NFIC: variants seen among roughly 807,000 people sequenced by gnomAD.
NFIC encodes nuclear factor 1 C-type.
NFIC carries 12 observed loss-of-function variants against 54.4 expected under a neutral mutation model. The ratio of observed to expected loss-of-function variants is 0.22; its 90% CI spans 0.14 to 0.36. NFIC has a LOEUF of 0.36. NFIC is among the 10% of genes least tolerant of loss of function. The pLI, the probability that NFIC is intolerant of heterozygous loss-of-function variation, is 1.00. For synonymous variants in NFIC, 322 were observed against 319.2 expected, an observed-to-expected ratio of 1.01 and a Z score of -0.09; for missense variants, 575 against 718.2, an observed-to-expected ratio of 0.80 and a Z score of 2.28.
Position 3,463,614 on chromosome 19 carries a change from G to GGCCCCCCCCC in NFIC, c.*845_*846insGCCCCCCCCC. The stretch of plus-strand genomic sequence containing the variant: ...GGGAGGAGAAGTCTCTATGCAATTG[G>GGCCCCCCCCC]CCCCGGCCCCTCCACCCCCCACCCC... On this transcript the variant is annotated 3_prime_UTR_variant, in exon 11 of 11. Transcript: ENST00000443272. The GGCCCCCCCCC allele has an allele frequency of 3.1e-6, 3 of 959,090 alleles. No homozygotes were observed. The highest frequency in any genetic ancestry group is 3.7e-6 in the Non-Finnish European group (3 of 807,830). 59.4% of individuals were successfully genotyped at this position (959,090 alleles called of 1,614,324 possible).
chr19:3,449,581 G>A (rs1211549367), intron 7 of NFIC, among the ~76,000 whole-genome samples: 2 of 151,968 alleles, frequency 1.3e-5, no homozygotes, highest in Non-Finnish European at 2.9e-5. Flanking sequence ...CCAACATGGT[G>A]AAACCCCATC....
intron 6 of NFIC, among the ~76,000 whole-genome samples, chr19:3,438,736 C>A (rs2082246356): frequency 6.6e-6 from 1 of 151,966 alleles, no homozygotes. Flanking sequence ...CGCACCCGGC[C>A]TCCTCCTGAG....
chr19:3,461,118 C>A (rs1280712910), intron 10 of NFIC, among the ~76,000 whole-genome samples: 2 of 151,752 alleles, frequency 1.3e-5, no homozygotes, highest in East Asian at 3.9e-4. Flanking sequence ...GAGCGTGACG[C>A]TGTCTCAAAA....
rs138054206 is a variant in NFIC at position 3,409,053 on chromosome 19, A to G, written c.563-16053A>G. 4.6e-3 allele frequency among the ~76,000 whole-genome samples: 696 copies of G among 152,244 alleles called. 6 individuals carry two copies. The highest frequency in any genetic ancestry group is 0.016 in the African/African-American group (672 of 41,540). Reference sequence around the variant, plus strand: ...GGCCCAGAGACTTTTGAAAGTCTAAAATGGATTGTATCATAGCTCACATCA... The same window carrying G: ...GGCCCAGAGACTTTTGAAAGTCTAAGATGGATTGTATCATAGCTCACATCA... On this transcript the variant is annotated intron_variant, in intron 2 of 10. Transcript: ENST00000443272.
rs1385182502 is a variant in NFIC at position 3,371,933 on chromosome 19, TTCCTTCCC to T, written c.30+5271_30+5278del. ...CTTCCTTCCTTCCTTCCTTCCTTCC[TTCCTTCCC>T]TCCCTCCCTCCCTCCTTCCTTCTTT... On this transcript the variant is annotated intron_variant, in intron 1 of 10. Transcript: ENST00000443272. Among the ~76,000 whole-genome samples the T allele has an allele frequency of 4.9e-3, 555 of 112,518 alleles. 9 individuals carry two copies. Among genetic ancestry groups the T allele is most frequent in the African/African-American group, 0.018 (525 of 28,700 alleles). The allele number at this position is 112,518 out of a possible 152,430, so 73.8% of individuals were successfully genotyped here. A position where few individuals can be genotyped will look rare whatever the true frequency, so the allele number is the denominator to read the frequency against.
At chr19:3,365,851 T>C (rs112273307), upstream of NFIC, among the ~76,000 whole-genome samples, 131 of 152,262 alleles carry the variant, frequency 8.6e-4, no homozygotes, top group Admixed American at 1.8e-3. Context: ...TGGGCCCTTC[T>C]GGCCAAGGAA....
rs934179248 is a variant in NFIC at position 3,370,549 on chromosome 19, C to T, written c.30+3883C>T. ...CATCTCGCTCTCTCCTCCTCTCTCC[C>T]TCTCTCCTTCTCTGTCTCCCTTTCC... On this transcript the variant is annotated intron_variant, in intron 1 of 10. Coordinates refer to ENST00000443272, the MANE Select transcript of NFIC (RefSeq NM_001245002.2). This position sits in a 1 kb window ranked among gnomAD's most constrained non-coding sequence, Gnocchi z 5.2. Among the ~76,000 whole-genome samples the T allele has an allele frequency of 2.6e-5, 4 of 150,966 alleles. No individual in the cohort carries two copies.
At chr19:3,404,876 A>G (rs2081619828) in intron 2 of NFIC, among the ~76,000 whole-genome samples, 1 of 152,042 alleles carries the variant, frequency 6.6e-6, no homozygotes, top group Non-Finnish European at 1.5e-5. Context: ...ACAAAGAGTG[A>G]CACCGGGGTC....
At chr19:3,393,654 A>C (rs938361562) in intron 2 of NFIC, among the ~76,000 whole-genome samples, 2 of 151,468 alleles carry the variant, frequency 1.3e-5, no homozygotes, top group Non-Finnish European at 2.9e-5. Flanking sequence ...GTCTCTACTA[A>C]AAATACAAAA....
chr19:3,385,566 T>G lies in NFIC; in HGVS notation c.562+3323T>G, dbSNP rs372501244. Among the ~76,000 whole-genome samples, 1,303 of 135,770 alleles carry G rather than the reference T, an allele frequency of 9.6e-3. 15 individuals are homozygous for G. The highest frequency in any genetic ancestry group is 0.035 in the African/African-American group (1,208 of 34,424). The allele number at this position is 135,770 out of a possible 152,430, so 89.1% of individuals were successfully genotyped here. ...TGGGTTTTTTGGGGGTTTTTTTGGT[T>G]GTTGTTGTTTTTTTTTTTTTTTTTG... is the stretch of plus-strand genomic sequence containing the variant. On this transcript the variant is annotated intron_variant, in intron 2 of 10. Coordinates refer to ENST00000443272, the MANE Select transcript of NFIC (RefSeq NM_001245002.2).
At chr19:3,403,128 G>C (rs961852171) in intron 2 of NFIC, among the ~76,000 whole-genome samples, 6 of 152,290 alleles carry the variant, frequency 3.9e-5, no homozygotes, top group African/African-American at 1.4e-4. Context: ...ACACTCATTT[G>C]GCTGCAGGCA....
chr19:3,432,670 CTTTTTTT>C (rs33968415), intron 3 of NFIC, among the ~76,000 whole-genome samples: 1 of 129,500 alleles, frequency 7.7e-6, no homozygotes, highest in Non-Finnish European at 1.6e-5. Flanking sequence ...GCTTTCCGCT[CTTTTTTT>C]TTTTTTTTTT....
intron 2 of NFIC, among the ~76,000 whole-genome samples, chr19:3,421,751 A>G (rs1341684653): frequency 2.0e-5 from 3 of 152,144 alleles, no homozygotes; most frequent in Admixed American, 6.6e-5. Flanking sequence ...CATTGCTTTG[A>G]TCATTCTCAC....
intron 1 of NFIC, among the ~76,000 whole-genome samples, chr19:3,373,389 C>G (rs905080283): frequency 3.9e-5 from 6 of 152,146 alleles, no homozygotes; most frequent in Admixed American, 6.5e-5. Context: ...CCACAAGGCC[C>G]TGCCCAGCCT....
chr19:3,425,780 G>A (rs1036183112), intron 3 of NFIC, among the ~76,000 whole-genome samples: 1 of 146,670 alleles, frequency 6.8e-6, no homozygotes, highest in African/African-American at 2.5e-5. Context: ...TCTTAGAAAC[G>A]GTCTCACGCT....
rs2081090776 is a variant in NFIC at position 3,375,529 on chromosome 19, T to G, written c.31-6183T>G. On this transcript the variant is annotated intron_variant, in intron 1 of 10. Transcript: ENST00000443272. This position sits in a 1 kb window ranked among gnomAD's most constrained non-coding sequence, Gnocchi z 4.6. ...TGGACAGGGCCTGGGCCGGGCCCCC[T>G]CCACCTCCCCTTTGCCTTAGCAGGT... Among the ~76,000 whole-genome samples the G allele has an allele frequency of 6.6e-6, 1 of 152,148 alleles. No individual in the cohort carries two copies. Among genetic ancestry groups the G allele is most frequent in the Non-Finnish European group, 1.5e-5 (1 of 68,028 alleles).
At chr19:3,365,907 T>A (rs1219634672), upstream of NFIC, among the ~76,000 whole-genome samples, 1 of 152,162 alleles carries the variant, frequency 6.6e-6, no homozygotes, top group Non-Finnish European at 1.5e-5. Flanking sequence ...CCGCAGCCCC[T>A]GCCTGGCTCT....
intron 3 of NFIC, among the ~76,000 whole-genome samples, chr19:3,430,049 C>T (rs1421092560): frequency 1.3e-5 from 2 of 151,996 alleles, no homozygotes; most frequent in African/African-American, 4.8e-5. Flanking sequence ...TGTAAAATAG[C>T]CTCCCTCCCC....
intron 3 of NFIC, among the ~76,000 whole-genome samples, chr19:3,432,658 C>A (rs1036643803): frequency 2.0e-5 from 3 of 148,424 alleles, no homozygotes; most frequent in Non-Finnish European, 4.4e-5. Flanking sequence ...GCCCAGGCCT[C>A]CGCTTTCCGC....
Sources: allele counts gnomAD v4.1 joint callset (sites outside exome capture counted in the v4.1 genomes callset), GRCh38; gene constraint gnomAD v4.1.1; non-coding constraint Gnocchi (gnomAD v3.1); transcripts MANE v1.5; gene names NCBI Gene and HGNC (gene_info 2026-07-23, HGNC 2026-07-21).